The following FRMPD4 variants were observed in gnomAD, a reference collection of about 807,000 sequenced individuals.
FRMPD4 encodes FERM and PDZ domain-containing protein 4.
FRMPD4 carries 22 observed loss-of-function variants against 94.1 expected under a neutral mutation model. That is an observed-to-expected ratio of 0.23 (90% CI 0.17 to 0.33). The LOEUF (loss-of-function observed/expected upper bound fraction) is 0.33, where lower values mean the gene tolerates loss of function less well. FRMPD4 is among the 10% of genes least tolerant of loss of function. FRMPD4 has a pLI of 1.00. For synonymous variants in FRMPD4, 631 were observed against 548.6 expected (o/e 1.15, Z -2.10); for missense variants, 1,111 against 1,339.9 (o/e 0.83, Z 2.67).
intron 3 of FRMPD4, among the ~76,000 whole-genome samples, chrX:12,095,835 A>G (rs1408957170): frequency 8.9e-6 from 1 of 111,923 alleles, no homozygotes; most frequent in Non-Finnish European, 1.9e-5. Flanking sequence ...CATTCCATCA[A>G]TTCTCTCTTG....
intron 4 of FRMPD4, among the ~76,000 whole-genome samples, chrX:12,655,346 G>A (rs765974923): frequency 8.9e-6 from 1 of 111,977 alleles, no homozygotes; most frequent in Admixed American, 9.5e-5. Context: ...CTATCCCTGT[G>A]TGTGTGTTCC....
intron 1 of FRMPD4, among the ~76,000 whole-genome samples, chrX:12,460,139 C>T (rs1343507584): frequency 8.9e-6 from 1 of 111,991 alleles, no homozygotes; most frequent in Non-Finnish European, 1.9e-5. Context: ...TGTATCAAAT[C>T]TTTACATATT....
At chrX:12,690,085 T>A in intron 7 of FRMPD4, 110 bp from the exon 8 acceptor site, 2 of 533,607 alleles carry the variant, frequency 3.7e-6, no homozygotes, top group Non-Finnish European at 6.0e-6. Flanking sequence ...ACCAAACGTA[T>A]AAAATTTCAA....
At chrX:12,407,914 C>T (rs2056685698) in intron 1 of FRMPD4, among the ~76,000 whole-genome samples, 1 of 110,700 alleles carries the variant, frequency 9.0e-6, no homozygotes, top group South Asian at 3.9e-4. Flanking sequence ...ATATTGTTGT[C>T]GACAGCAAAG....
intron 1 of FRMPD4, among the ~76,000 whole-genome samples, chrX:12,204,564 T>C (rs1172602045): frequency 9.0e-6 from 1 of 111,509 alleles, no homozygotes; most frequent in Admixed American, 9.5e-5. Flanking sequence ...GTTTGTTCCA[T>C]TCTGAGATCC....
At chrX:12,678,494 A>G (rs2059925198) in intron 5 of FRMPD4, among the ~76,000 whole-genome samples, 1 of 112,088 alleles carries the variant, frequency 8.9e-6, no homozygotes, top group Non-Finnish European at 1.9e-5. Context: ...CAAGTCTAGA[A>G]TTCCAAAGCC....
intron 3 of FRMPD4, among the ~76,000 whole-genome samples, chrX:12,070,648 A>C (rs958155127): frequency 2.7e-5 from 3 of 112,104 alleles, no homozygotes; most frequent in Non-Finnish European, 3.8e-5. Flanking sequence ...GCCAGGGTGC[A>C]TGAGCCGCAT....
chrX:12,496,744 C>A (rs926473002), intron 1 of FRMPD4, among the ~76,000 whole-genome samples: 6 of 111,624 alleles, frequency 5.4e-5, no homozygotes, highest in African/African-American at 2.0e-4. Flanking sequence ...GACATGTAGC[C>A]ATGTTTGATC....
intron 3 of FRMPD4, among the ~76,000 whole-genome samples, chrX:11,898,339 C>G (rs1341399782): frequency 9.0e-6 from 1 of 111,518 alleles, no homozygotes; most frequent in East Asian, 2.8e-4. Context: ...TTGGTCTGTC[C>G]CAGTGTCTTC....
intron 1 of FRMPD4, among the ~76,000 whole-genome samples, chrX:11,836,970 C>A (rs2053504629): frequency 8.9e-6 from 1 of 111,968 alleles, no homozygotes; most frequent in Non-Finnish European, 1.9e-5. Context: ...AATCTACGTC[C>A]TTTTTCAACA....
chrX:12,462,249 CTATT>C (rs1427278019), intron 1 of FRMPD4, among the ~76,000 whole-genome samples: 3 of 111,633 alleles, frequency 2.7e-5, no homozygotes, highest in Non-Finnish European at 3.8e-5. Flanking sequence ...AGATAATACT[CTATT>C]TATTTTATAA....
intron 1 of FRMPD4, among the ~76,000 whole-genome samples, chrX:11,858,810 C>T (rs752235300): frequency 1.2e-4 from 13 of 111,248 alleles, no homozygotes; most frequent in Non-Finnish European, 2.1e-4. Context: ...ACTATGAAAA[C>T]TCTCAAAGAA....
At chrX:12,196,902 C>CA (rs2056574182) in intron 1 of FRMPD4, among the ~76,000 whole-genome samples, 1 of 106,995 alleles carries the variant, frequency 9.3e-6, no homozygotes, top group African/African-American at 3.4e-5. Flanking sequence ...AAGAAACACA[C>CA]AATTAAATTG....
At chrX:12,659,584 A>G (rs1332884206) in intron 4 of FRMPD4, among the ~76,000 whole-genome samples, 2 of 112,666 alleles carry the variant, frequency 1.8e-5, no homozygotes, top group African/African-American at 6.4e-5. Context: ...GTCTTCAGAC[A>G]TTGCCAAATA....
intron 1 of FRMPD4, among the ~76,000 whole-genome samples, chrX:12,278,652 A>G: frequency 8.9e-6 from 1 of 112,203 alleles, no homozygotes; most frequent in South Asian, 3.8e-4. Context: ...TGTAGCAGAT[A>G]CTTTTGAGGA....
intron 5 of FRMPD4, among the ~76,000 whole-genome samples, chrX:12,679,871 C>G (rs929263333): frequency 2.7e-5 from 3 of 111,229 alleles, no homozygotes; most frequent in Non-Finnish European, 3.8e-5. Context: ...CCTGCCTTCC[C>G]CACTCACCTA....
At chrX:12,306,049 G>T (rs190462541) in intron 1 of FRMPD4, among the ~76,000 whole-genome samples, 30 of 97,601 alleles carry the variant, frequency 3.1e-4, no homozygotes, top group African/African-American at 1.0e-3. Context: ...GGAGATTTTG[G>T]TCGTTAATTT....
At chrX:12,500,037 T>C (rs1341532815) in intron 2 of FRMPD4, among the ~76,000 whole-genome samples, 1 of 111,872 alleles carries the variant, frequency 8.9e-6, no homozygotes, top group Non-Finnish European at 1.9e-5. Flanking sequence ...TTGTTTGCAG[T>C]TTTGTGAAAA....
intron 1 of FRMPD4, among the ~76,000 whole-genome samples, chrX:12,283,811 C>G (rs749851144): frequency 1.8e-5 from 2 of 111,614 alleles, no homozygotes; most frequent in South Asian, 7.6e-4. Context: ...TGAAAAATCT[C>G]CATTTGAATG....
Sources: gnomAD v4.1 joint callset for allele counts (sites outside exome capture counted in the v4.1 genomes callset) on GRCh38, gnomAD v4.1.1 for gene constraint, MANE v1.5 for transcripts, NCBI Gene and HGNC (gene_info 2026-07-23, HGNC 2026-07-21) for gene names.